The following SLC39A11 variants were observed in gnomAD, a reference collection of about 807,000 sequenced individuals.
SLC39A11 encodes solute carrier family 39 member 11.
A neutral mutation model predicts 36.1 loss-of-function variants in SLC39A11; 33 were observed. The ratio of observed to expected loss-of-function variants is 0.91; its 90% confidence interval spans 0.69 to 1.22. The LOEUF (loss-of-function observed/expected upper bound fraction) is 1.22. Ranked by LOEUF, SLC39A11 falls within the 50% of genes most tolerant of loss-of-function variation. The pLI is 0.00. For synonymous variants in SLC39A11, 166 were observed against 170.3 expected (o/e 0.97, Z 0.20); for missense variants, 432 against 430.3 (o/e 1.00, Z -0.03).
At chr17:72,768,753 G>GATC (rs2075833967) in intron 6 of SLC39A11, among the ~76,000 whole-genome samples, 1 of 148,966 alleles carries the variant, frequency 6.7e-6, no homozygotes, top group Non-Finnish European at 1.5e-5. Context: ...TATTTATTTT[G>GATC]ATTATTATTA....
chr17:72,967,166 A>T (rs2087049578), intron 4 of SLC39A11, among the ~76,000 whole-genome samples: 1 of 152,208 alleles, frequency 6.6e-6, no homozygotes, highest in East Asian at 1.9e-4. Flanking sequence ...CAATGTAACA[A>T]TAATAGAAAT....
At chr17:72,675,076 T>C (rs1469690205) in intron 7 of SLC39A11, among the ~76,000 whole-genome samples, 1 of 152,118 alleles carries the variant, frequency 6.6e-6, no homozygotes, top group Non-Finnish European at 1.5e-5. Context: ...CCCGCTTCCA[T>C]ACACAAAGAG....
intron 3 of SLC39A11, among the ~76,000 whole-genome samples, chr17:73,039,021 G>A (rs1482349667): frequency 6.6e-6 from 1 of 152,122 alleles, no homozygotes; most frequent in Non-Finnish European, 1.5e-5. Context: ...ATGGGAAAAT[G>A]CAGGACTTAG....
intron 3 of SLC39A11, among the ~76,000 whole-genome samples, chr17:73,048,909 T>C (rs974089566): frequency 3.3e-5 from 5 of 152,178 alleles, no homozygotes; most frequent in Admixed American, 2.6e-4. Context: ...CTGAACATGG[T>C]AGATACAGGT....
At chr17:72,915,067 C>T (rs11869471) in intron 5 of SLC39A11, among the ~76,000 whole-genome samples, 21,843 of 152,030 alleles carry the variant, frequency 0.14, 1,920 homozygotes, top group Non-Finnish European at 0.2. Context: ...CGGAGCCTCC[C>T]GGGTATCTCA....
chr17:72,802,060 C>T (rs967723933), intron 6 of SLC39A11, among the ~76,000 whole-genome samples: 6 of 152,158 alleles, frequency 3.9e-5, no homozygotes, highest in East Asian at 1.9e-4. Context: ...ACAGAAGGTT[C>T]GATGCAGCGC....
At chr17:73,053,241 CTTT>C (rs111679659) in intron 3 of SLC39A11, among the ~76,000 whole-genome samples, 1 of 38,100 alleles carries the variant, frequency 2.6e-5, no homozygotes, top group East Asian at 8.3e-4. Context: ...ATTTGATTTT[CTTT>C]TTTTTTTTTA....
intron 4 of SLC39A11, among the ~76,000 whole-genome samples, chr17:72,951,414 G>A (rs142646973): frequency 2.0e-5 from 3 of 152,014 alleles, no homozygotes; most frequent in Admixed American, 1.3e-4. Context: ...GAAGAATTTC[G>A]CTAGTTTCTC....
At chr17:72,733,913 G>C (rs573514293) in intron 7 of SLC39A11, among the ~76,000 whole-genome samples, 2 of 152,114 alleles carry the variant, frequency 1.3e-5, no homozygotes, top group Non-Finnish European at 2.9e-5. Context: ...ATGCTGGTTC[G>C]AAAGCCCCAG....
intron 7 of SLC39A11, among the ~76,000 whole-genome samples, chr17:72,675,034 G>A (rs1365317511): frequency 6.6e-6 from 1 of 151,992 alleles, no homozygotes; most frequent in Admixed American, 6.6e-5. Flanking sequence ...GAGAGAGAAA[G>A]TTTATCCATC....
chr17:72,895,408 A>G (rs2081978393), intron 5 of SLC39A11, among the ~76,000 whole-genome samples: 1 of 152,140 alleles, frequency 6.6e-6, no homozygotes, highest in Non-Finnish European at 1.5e-5. Context: ...GTGAAACCTC[A>G]TCTCTACTAA....
At chr17:72,929,829 C>T (rs1202500417) in intron 5 of SLC39A11, among the ~76,000 whole-genome samples, 1 of 152,150 alleles carries the variant, frequency 6.6e-6, no homozygotes, top group Non-Finnish European at 1.5e-5. Context: ...TAAGAAGACA[C>T]TGTGCTTAGA....
At chr17:72,699,065 G>A (rs2072473881) in intron 7 of SLC39A11, among the ~76,000 whole-genome samples, 2 of 152,126 alleles carry the variant, frequency 1.3e-5, no homozygotes, top group African/African-American at 2.4e-5. Context: ...TCCTGACCTT[G>A]TGATCTGCCC....
intron 5 of SLC39A11, among the ~76,000 whole-genome samples, chr17:72,859,582 T>C (rs1455922919): frequency 6.6e-6 from 1 of 150,444 alleles, no homozygotes; most frequent in East Asian, 2.0e-4. Flanking sequence ...CCAGGTTCTA[T>C]GGAGTTGAGC....
intron 5 of SLC39A11, among the ~76,000 whole-genome samples, chr17:72,899,302 G>A (rs943586491): frequency 4.1e-5 from 6 of 147,098 alleles, no homozygotes; most frequent in African/African-American, 1.4e-4. Context: ...AAGAAAAAAG[G>A]CCCTAAGGAG....
At chr17:73,047,990 A>AAAAAAATATATATATATATATAT (rs1555693446) in intron 3 of SLC39A11, among the ~76,000 whole-genome samples, 1 of 58,702 alleles carries the variant, frequency 1.7e-5, no homozygotes, top group Non-Finnish European at 3.0e-5. Flanking sequence ...AAAAAAAAAA[A>AAAAAAATATATATATATATATAT]ATATATATAT....
At chr17:72,860,994 A>G (rs1387527191) in intron 5 of SLC39A11, among the ~76,000 whole-genome samples, 1 of 152,210 alleles carries the variant, frequency 6.6e-6, no homozygotes, top group African/African-American at 2.4e-5. Flanking sequence ...AGCACATAAC[A>G]CGTACAACAC....
intron 7 of SLC39A11, among the ~76,000 whole-genome samples, chr17:72,728,158 G>T (rs1198785507): frequency 6.6e-6 from 1 of 152,030 alleles, no homozygotes; most frequent in Non-Finnish European, 1.5e-5. Flanking sequence ...TCTGAAAAGG[G>T]TCAGATAGCC....
intron 6 of SLC39A11, among the ~76,000 whole-genome samples, chr17:72,838,348 C>A (rs1277941956): frequency 6.6e-6 from 1 of 151,798 alleles, no homozygotes; most frequent in Non-Finnish European, 1.5e-5. Flanking sequence ...CCCACCCTAG[C>A]CTTCCAAGTA....
Sources: gnomAD v4.1 joint callset for allele counts (sites outside exome capture counted in the v4.1 genomes callset) on GRCh38, gnomAD v4.1.1 for gene constraint, MANE v1.5 for transcripts, NCBI Gene and HGNC (gene_info 2026-07-23, HGNC 2026-07-21) for gene names.